USP54: variants seen among roughly 807,000 people sequenced by gnomAD.
USP54 encodes ubiquitin specific peptidase 54.
A neutral mutation model predicts 170.5 loss-of-function variants in USP54; 87 were observed. The ratio of observed to expected loss-of-function variants is 0.51; its 90% CI spans 0.43 to 0.61. The LOEUF (loss-of-function observed/expected upper bound fraction) is 0.61, where lower values mean the gene tolerates loss of function less well. Among genes scored for constraint, USP54 ranks in the 20% least tolerant of loss-of-function variants. USP54 has a pLI of 0.00. For missense variants in USP54, 1,786 were observed against 2,047.8 expected (o/e 0.87, Z 2.47); for synonymous variants, 655 against 742.8 (o/e 0.88, Z 1.92).
At chr10:73,504,766 T>G (rs1459937579) in intron 22 of USP54, 84 bp downstream of exon 22, 13 of 1,580,302 alleles carry the variant, frequency 8.2e-6, no homozygotes, top group Non-Finnish European at 1.0e-5. Flanking sequence ...AACCTTCACT[T>G]TCTCCCTGCT....
chr10:73,594,567 G>A (rs2078569778), upstream of USP54, among the ~76,000 whole-genome samples: 1 of 149,142 alleles, frequency 6.7e-6, no homozygotes, highest in African/African-American at 2.5e-5. Context: ...ACCAGACCCA[G>A]CTAATTTTTT....
chr10:73,603,146 G>A (rs2079335198), intron 1 of USP54, among the ~76,000 whole-genome samples: 1 of 152,114 alleles, frequency 6.6e-6, no homozygotes, highest in African/African-American at 2.4e-5. Context: ...AACTATGTCA[G>A]AGAAAAATCA....
In USP54 at chr10:73,529,468, ATAACTG is replaced by A. The variant is rs144322599; in HGVS notation, c.2060+206_2060+211del. 1.3e-3 allele frequency: 795 copies of A among 625,282 alleles called. 11 individuals carry two copies. In the East Asian group the frequency reaches 0.022, roughly 18 times the overall value. The allele number at this position is 625,282 out of a possible 1,614,324, so 38.7% of individuals were successfully genotyped here. ...ATTTTTTAAAATTATTTTATACATG[ATAACTG>A]TATTTCAAATAGAAAGTTCTCTCTC... is the stretch of plus-strand genomic sequence containing the variant. On this transcript the variant is annotated intron_variant, in intron 15 of 23. Transcript: ENST00000687698.
intron 1 of USP54, among the ~76,000 whole-genome samples, chr10:73,587,289 C>T (rs988108940): frequency 6.6e-5 from 10 of 151,866 alleles, no homozygotes; most frequent in East Asian, 1.9e-4. Flanking sequence ...CTGGCTAACA[C>T]GGTGAAACCC....
intron 20 of USP54, among the ~76,000 whole-genome samples, chr10:73,514,605 T>C (rs2060760668): frequency 6.6e-6 from 1 of 151,814 alleles, no homozygotes; most frequent in African/African-American, 2.4e-5. Context: ...CTTCCTTAGA[T>C]AGAAAGCTCA....
At chr10:73,597,755 T>C (rs2078846999) in intron 1 of USP54, among the ~76,000 whole-genome samples, 1 of 152,218 alleles carries the variant, frequency 6.6e-6, no homozygotes, top group Non-Finnish European at 1.5e-5. Flanking sequence ...ATGGGCAGAA[T>C]GAACCCATTC....
chr10:73,552,344 C>A (rs1440159915), intron 4 of USP54, among the ~76,000 whole-genome samples: 1 of 148,998 alleles, frequency 6.7e-6, no homozygotes, highest in Non-Finnish European at 1.5e-5. Context: ...ACCTAGGAGG[C>A]GGAGGTTGCA....
chr10:73,525,689 C>T (rs1023115850), intron 16 of USP54, among the ~76,000 whole-genome samples: 4 of 152,220 alleles, frequency 2.6e-5, no homozygotes, highest in Non-Finnish European at 4.4e-5. Flanking sequence ...AAATGTCTTC[C>T]ACGTGTCTCT....
intron 4 of USP54, among the ~76,000 whole-genome samples, chr10:73,566,003 G>A (rs959737410): frequency 6.6e-6 from 1 of 152,098 alleles, no homozygotes; most frequent in Non-Finnish European, 1.5e-5. Context: ...GGCCAAGGAG[G>A]GCAGATCACC....
chr10:73,504,956 C>T lies in USP54; in HGVS notation c.4205G>A (p.Gly1402Glu). 1 of 1,614,162 alleles carries T rather than the reference C, an allele frequency of 6.2e-7. No individual in the cohort carries two copies. Among genetic ancestry groups the T allele is most frequent in the Non-Finnish European group, 8.5e-7 (1 of 1,180,032 alleles). ...TPCRGLSREC[G>E]EDEQYSAENL... ...CTCTGCACTGTACTGCTCATCCTCCCCACACTCCCTGCTGAGGCCTCGGCA... is the reference window on the plus strand; with the variant it reads ...CTCTGCACTGTACTGCTCATCCTCCTCACACTCCCTGCTGAGGCCTCGGCA... Residue 1402 changes from glycine to glutamate, a missense_variant, in exon 22 of 24, where the codon GGG becomes GAG. Physicochemically the swap from Gly to Glu is moderately conservative, Grantham distance 98. This residue lies in a region of USP54 where 1,418 missense variants were observed against 1,569.0 expected (regional missense o/e 0.90). Transcript: ENST00000687698.
chr10:73,620,758 T>C (rs1001828610), intron 1 of USP54, among the ~76,000 whole-genome samples: 15 of 149,510 alleles, frequency 1.0e-4, no homozygotes, highest in Non-Finnish European at 2.2e-4. Flanking sequence ...CCCAACATGG[T>C]GAAACCCTGT....
chr10:73,522,375 CTG>C (rs897311228), intron 17 of USP54, among the ~76,000 whole-genome samples: 13 of 152,212 alleles, frequency 8.5e-5, no homozygotes, highest in African/African-American at 2.4e-4. Context: ...TGATCAATCA[CTG>C]TACTAAATTT....
At chr10:73,624,159 CATATATATATATATATATATAT>C (rs58238181) in intron 1 of USP54, among the ~76,000 whole-genome samples, 92 of 69,864 alleles carry the variant, frequency 1.3e-3, no homozygotes, top group East Asian at 3.5e-3. Flanking sequence ...TTTTAAAAGC[CATATATATATATATATATATAT>C]ATATATATAT....
chr10:73,536,319 T>C lies in USP54; in HGVS notation c.1094A>G (p.Gln365Arg), dbSNP rs1327867493. The C allele has an allele frequency of 1.2e-6, 2 of 1,614,094 alleles. No homozygotes were observed. Among genetic ancestry groups the C allele is most frequent in the South Asian group, 1.1e-5 (1 of 91,064 alleles). ...TPVSTQDLPPQAEFQSYSRTC... is the reference protein window; with the variant it reads ...TPVSTQDLPPRAEFQSYSRTC... Reference sequence around the variant, plus strand: ...CCTGCTGTATGACTGGAACTCAGCTTGGGGAGGCAGGTCCTGGGTGGAAAC... The same window carrying C: ...CCTGCTGTATGACTGGAACTCAGCTCGGGGAGGCAGGTCCTGGGTGGAAAC... The change falls in exon 11 of 24, where the codon CAA becomes CGA. Residue 365 changes from glutamine (Q) to arginine (R), a missense_variant. Physicochemically the swap from Gln to Arg is conservative, Grantham distance 43. This residue lies in a region of USP54 where 361 missense variants were observed against 455.0 expected (regional missense o/e 0.79). Coordinates refer to ENST00000687698, the MANE Select transcript of USP54 (RefSeq NM_001391956.1).
intron 20 of USP54, among the ~76,000 whole-genome samples, chr10:73,511,776 CTT>C (rs1589887332): frequency 1.3e-5 from 2 of 149,998 alleles, no homozygotes; most frequent in South Asian, 2.1e-4. Flanking sequence ...CAGTTTCACT[CTT>C]GTCACCCAGG....
At chr10:73,536,228 G>T (rs2065188262) in intron 11 of USP54, 41 bp downstream of exon 11, 2 of 1,608,374 alleles carry the variant, frequency 1.2e-6, no homozygotes, top group African/African-American at 2.7e-5. Context: ...TTGATCGCAT[G>T]GGGTGAGGAG....
rs965655268 is a variant in USP54, at chr10:73,576,120, A to G, written c.-340T>C. On this transcript the variant is annotated 5_prime_UTR_variant, in exon 2 of 24. Coordinates refer to ENST00000687698, the MANE Select transcript of USP54 (RefSeq NM_001391956.1). ...AGGCAGACAGAGAAGCAAGAATCCA[A>G]CATGATCCTCCTCACCCTCTATTGC... is the stretch of plus-strand genomic sequence containing the variant. 3 of 152,442 alleles carry G rather than the reference A, an allele frequency of 2.0e-5. No homozygotes were observed. The highest frequency in any genetic ancestry group is 4.8e-5 in the African/African-American group (2 of 41,460). 9.4% of individuals were successfully genotyped at this position (152,442 alleles called of 1,614,324 possible).
At chr10:73,534,910 C>T in intron 11 of USP54, 140 bp from the exon 12 acceptor site, 1 of 719,748 alleles carries the variant, frequency 1.4e-6, no homozygotes, top group Non-Finnish European at 2.2e-6. Flanking sequence ...GCTATACCAT[C>T]AAGCCATTCT....
At chr10:73,571,263 T>C (rs551955345) in intron 4 of USP54, among the ~76,000 whole-genome samples, 158 bp downstream of exon 4, 1 of 152,208 alleles carries the variant, frequency 6.6e-6, no homozygotes, top group African/African-American at 2.4e-5. Context: ...ACTAATTCTT[T>C]GAAGCAAGCA....
Sources: gnomAD v4.1 joint callset for allele counts (sites outside exome capture counted in the v4.1 genomes callset) on GRCh38, gnomAD v4.1.1 for gene constraint, gnomAD v4.1.1 regional missense constraint, MANE v1.5 for transcripts, NCBI Gene and HGNC (gene_info 2026-07-23, HGNC 2026-07-21) for gene names.